NLRP1: variants seen among roughly 807,000 people sequenced by gnomAD.
NLRP1 encodes NLR family pyrin domain containing 1, also known as NACHT, LRR and PYD domains-containing protein 1.
A neutral mutation model predicts 136.7 loss-of-function variants in NLRP1; 94 were observed. That is an observed-to-expected ratio of 0.69 (90% CI 0.58 to 0.82). The LOEUF is 0.82. Among genes scored for constraint, NLRP1 ranks in the 40% least tolerant of loss-of-function variants. The pLI is 0.00. For synonymous variants in NLRP1, 690 were observed against 725.1 expected (o/e 0.95, Z 0.78); for missense variants, 1,575 against 1,802.7 (o/e 0.87, Z 2.29).
chr17:5,521,023 T>C lies in NLRP1; in HGVS notation c.3784-11A>G, dbSNP rs201084215. 3 of 1,591,690 alleles carry C rather than the reference T, an allele frequency of 1.9e-6. No homozygotes were observed. Among genetic ancestry groups the C allele is most frequent in the Non-Finnish European group, 2.6e-6 (3 of 1,168,002 alleles). ...TAGATCATCTATGGCCTACAGAACA[T>C]AGGGAACAATGATTAAGGGAGGCTT... On this transcript the variant is annotated splice_polypyrimidine_tract_variant and intron_variant, in intron 13 of 16. Transcript: ENST00000572272.
At chr17:5,548,431 C>T (rs895803448) in intron 5 of NLRP1, among the ~76,000 whole-genome samples, 2 of 152,170 alleles carry the variant, frequency 1.3e-5, no homozygotes, top group African/African-American at 4.8e-5. Context: ...ATGACTCCTT[C>T]TCCTTCTTGT....
chr17:5,502,540 C>G (rs554381195), intron 15 of NLRP1: 1 of 153,632 alleles, frequency 6.5e-6, no homozygotes, highest in African/African-American at 2.4e-5. Context: ...ATCCACCTGC[C>G]TCGGCCTCCC....
chr17:5,520,882 T>C lies in NLRP1; in HGVS notation c.3914A>G (p.Lys1305Arg), dbSNP rs1335969869. 4 of 1,597,472 alleles carry C rather than the reference T, an allele frequency of 2.5e-6. No individual in the cohort carries two copies. The highest frequency in any genetic ancestry group is 3.4e-6 in the Non-Finnish European group (4 of 1,170,398). Reference protein sequence around the residue: ...SGSGMLEILPKELELCYRSPG... With the variant: ...SGSGMLEILPRELELCYRSPG... ...AGAGGCAGACACTGGGCTGCTCACC[T>C]TGGGGAGTATTTCCAGCATCCCTGA... The change falls in exon 14 of 17, where the codon AAG (lysine) becomes AGG (arginine). Residue 1305 changes from lysine (K) to arginine (R), a missense_variant and splice_region_variant. Lys to Arg is a conservative substitution (Grantham distance 26). Transcript: ENST00000572272.
chr17:5,515,415 C>A, intron 16 of NLRP1, 58 bp downstream of exon 16: 1 of 1,394,716 alleles, frequency 7.2e-7, no homozygotes, highest in Non-Finnish European at 1.0e-6. Context: ...TCCCCCAGAA[C>A]CAGACAGTAC....
intron 11 of NLRP1, among the ~76,000 whole-genome samples, chr17:5,531,172 TA>T (rs368093743): frequency 0.03 from 3,750 of 125,930 alleles, 61 homozygotes; most frequent in Admixed American, 0.041. Context: ...CTAATCTATC[TA>T]ATCTATCTAT....
At position 5,582,659 on chromosome 17, in the gene NLRP1, G is replaced by A. The variant is rs1378236982; in HGVS notation, c.448+11C>T. 6.2e-7 allele frequency: 1 copy of A among 1,613,570 alleles called. No individual in the cohort carries two copies. The highest frequency in any genetic ancestry group is 8.5e-7 in the Non-Finnish European group (1 of 1,179,750). ...CACCCAGGGCTGTCAGCCTGCCTCA[G>A]CAAGCCTCACCTCTCCAGCGGCGTC... On this transcript the variant is annotated intron_variant, in intron 2 of 16. Coordinates refer to ENST00000572272, the MANE Select transcript of NLRP1 (RefSeq NM_033004.4).
chr17:5,515,628 G>A, intron 15 of NLRP1, 111 bp from the exon 16 acceptor site: 1 of 877,302 alleles, frequency 1.1e-6, no homozygotes, highest in African/African-American at 1.6e-5. Context: ...TTAGAAAAAA[G>A]CCACAGACAA....
In NLRP1 at chr17:5,533,966, T is replaced by C. The variant is rs1347891113; in HGVS notation, c.2983A>G (p.Thr995Ala). Residue 995 changes from threonine to alanine, a missense_variant, in exon 9 of 17, where the codon ACT (threonine) becomes GCT (alanine). Coordinates refer to ENST00000572272, the MANE Select transcript of NLRP1 (RefSeq NM_033004.4). Reference protein sequence around the residue: ...SRRKPSVMTPTEGLDTGEMSN... With the variant: ...SRRKPSVMTPAEGLDTGEMSN... ...ATCTCTCCCGTATCCAGGCCCTCAG[T>C]AGGGGTCATCACACTTGGTTTCCTG... 1 of 1,612,306 alleles carries C rather than the reference T, an allele frequency of 6.2e-7. No homozygotes were observed. The highest frequency in any genetic ancestry group is 1.7e-5 in the Admixed American group (1 of 60,000).
At chr17:5,582,574 T>G (rs1442218271) in intron 2 of NLRP1, 96 bp downstream of exon 2, 1 of 1,195,430 alleles carries the variant, frequency 8.4e-7, no homozygotes, top group Non-Finnish European at 1.2e-6. Context: ...GTCCCCCATG[T>G]CAGGTCCCCA....
chr17:5,512,175 A>T, downstream of NLRP1: 1 of 1,090,822 alleles, frequency 9.2e-7, no homozygotes, highest in South Asian at 1.2e-5. Flanking sequence ...TCTCACTTTC[A>T]GGGCAATCTT....
In NLRP1 at chr17:5,559,758, T is replaced by G; in HGVS notation, c.938A>C (p.Glu313Ala). 6.2e-7 allele frequency: 1 copy of G among 1,614,272 alleles called. No homozygotes were observed. Among genetic ancestry groups the G allele is most frequent in the Non-Finnish European group, 8.5e-7 (1 of 1,180,050 alleles). Residue 313 changes from glutamate (E) to alanine (A), a missense_variant, in exon 4 of 17, where the codon GAG becomes GCG. By Grantham distance (107) the Glu-to-Ala change is moderately radical. Transcript: ENST00000572272. Reference protein sequence around the residue: ...YVEENRGHLIEIRDLFGPGLD... With the variant: ...YVEENRGHLIAIRDLFGPGLD... ...GCCTGGGCCAAATAAGTCTCTGATCTCAATTAAATGTCCTCGATTCTCCTC... is the reference window on the plus strand; with the variant it reads ...GCCTGGGCCAAATAAGTCTCTGATCGCAATTAAATGTCCTCGATTCTCCTC...
At chr17:5,522,144 G>A (rs572374468) in intron 12 of NLRP1, among the ~76,000 whole-genome samples, 18 of 152,374 alleles carry the variant, frequency 1.2e-4, no homozygotes, top group Admixed American at 1.0e-3. Flanking sequence ...TAGATTTAGT[G>A]TTGTTACTGA....
Position 5,559,025 on chromosome 17 carries a change from C to T in NLRP1, c.1671G>A (p.Gln557=). ...TTTLCLHYLA[Q]ALQAQPLGPQ... ...GTCCCAATGGCTGAGCTTGGAGAGC[C>T]TGGGCAAGGTAATGTAGACAGAGGG... is the stretch of plus-strand genomic sequence containing the variant. Residue 557 remains glutamine, a synonymous_variant, in exon 4 of 17, where the codon CAG becomes CAA. Coordinates refer to ENST00000572272, the MANE Select transcript of NLRP1 (RefSeq NM_033004.4). 6.2e-7 allele frequency: 1 copy of T among 1,614,124 alleles called. No homozygotes were observed. Among genetic ancestry groups the T allele is most frequent in the Non-Finnish European group, 8.5e-7 (1 of 1,180,016 alleles).
chr17:5,515,380 G>A (rs1036641879), intron 16 of NLRP1, 93 bp downstream of exon 16: 2 of 1,090,756 alleles, frequency 1.8e-6, no homozygotes, highest in Admixed American at 1.8e-5. Context: ...TTGCAGTGAT[G>A]AGTCCCTTCC....
chr17:5,552,173 A>G (rs749193603), intron 5 of NLRP1, among the ~76,000 whole-genome samples: 5 of 146,038 alleles, frequency 3.4e-5, no homozygotes, highest in Admixed American at 1.4e-4. Context: ...GCTGCATCCA[A>G]TACATTTTGG....
chr17:5,549,702 T>C (rs1410575990), intron 5 of NLRP1, among the ~76,000 whole-genome samples: 1 of 152,256 alleles, frequency 6.6e-6, no homozygotes, highest in East Asian at 1.9e-4. Flanking sequence ...TCTTGCTTAA[T>C]TACTCTGGAT....
intron 5 of NLRP1, among the ~76,000 whole-genome samples, chr17:5,546,902 A>G (rs1469228333): frequency 6.6e-6 from 1 of 152,172 alleles, no homozygotes; most frequent in Admixed American, 6.5e-5. Flanking sequence ...AAATATTCAC[A>G]TTTGCCTGAT....
At chr17:5,523,450 C>G (rs936323546) in intron 12 of NLRP1, among the ~76,000 whole-genome samples, 18 of 152,186 alleles carry the variant, frequency 1.2e-4, no homozygotes, top group African/African-American at 4.1e-4. Flanking sequence ...TTCTCTGAGT[C>G]ATTGGGTCAC....
At chr17:5,522,945 T>C (rs1031363901) in intron 12 of NLRP1, among the ~76,000 whole-genome samples, 1 of 152,114 alleles carries the variant, frequency 6.6e-6, no homozygotes, top group Admixed American at 6.6e-5. Context: ...CCTCCAGCAC[T>C]GTGTGGGTCT....
Sources: gnomAD v4.1 joint callset for allele counts (sites outside exome capture counted in the v4.1 genomes callset) on GRCh38, gnomAD v4.1.1 for gene constraint, MANE v1.5 for transcripts, NCBI Gene and HGNC (gene_info 2026-07-23, HGNC 2026-07-21) for gene names.